Variants in ZFPM2 observed in about 807,000 individuals in gnomAD.
The protein encoded by ZFPM2 is zinc finger protein ZFPM2.
ZFPM2 carries 20 observed loss-of-function variants against 98.6 expected under a neutral mutation model. That is an observed-to-expected ratio of 0.20 (90% CI 0.14 to 0.29). ZFPM2 has a LOEUF of 0.29. Among genes scored for constraint, ZFPM2 ranks in the 10% least tolerant of loss-of-function variants. The pLI is 1.00. For synonymous variants in ZFPM2, 518 were observed against 502.7 expected (o/e 1.03, Z -0.41); for missense variants, 1,310 against 1,388.6 (o/e 0.94, Z 0.90).
chr8:105,594,203 CT>C (rs1329351527), intron 4 of ZFPM2, among the ~76,000 whole-genome samples: 2 of 152,104 alleles, frequency 1.3e-5, no homozygotes, highest in East Asian at 1.9e-4. Flanking sequence ...TTCCAGCTAA[CT>C]TGCCTAATTT....
At chr8:105,570,804 ACT>A (rs1815338275) in intron 4 of ZFPM2, among the ~76,000 whole-genome samples, 1 of 151,796 alleles carries the variant, frequency 6.6e-6, no homozygotes, top group African/African-American at 2.4e-5. Flanking sequence ...GACCTAACTT[ACT>A]CTCCTCTGCC....
chr8:105,405,162 C>T (rs1277889796), intron 1 of ZFPM2, among the ~76,000 whole-genome samples: 5 of 151,944 alleles, frequency 3.3e-5, no homozygotes, highest in Non-Finnish European at 7.4e-5. Context: ...TGCCAGAACC[C>T]CAGGTAGGAC....
chr8:105,419,369 T>C, intron 2 of ZFPM2, 67 bp downstream of exon 2: 1 of 1,369,672 alleles, frequency 7.3e-7, no homozygotes, highest in South Asian at 1.3e-5. Flanking sequence ...TTTAAAAAAA[T>C]GCATAATAGT....
At chr8:105,697,521 T>C (rs1462966578) in intron 5 of ZFPM2, among the ~76,000 whole-genome samples, 1 of 152,188 alleles carries the variant, frequency 6.6e-6, no homozygotes, top group African/African-American at 2.4e-5. Flanking sequence ...AGAAGTGTAG[T>C]AATTTAGCCA....
intron 3 of ZFPM2, among the ~76,000 whole-genome samples, chr8:105,501,333 C>T (rs13258330): frequency 0.043 from 6,456 of 151,830 alleles, 199 homozygotes; most frequent in South Asian, 0.068. Flanking sequence ...CAGGCACCTG[C>T]CACCACACTT....
chr8:105,694,501 C>G (rs1810971494), intron 5 of ZFPM2, among the ~76,000 whole-genome samples: 1 of 152,020 alleles, frequency 6.6e-6, no homozygotes, highest in South Asian at 2.1e-4. Context: ...ACTCAGGTCT[C>G]CAATCTGTAA....
intron 3 of ZFPM2, among the ~76,000 whole-genome samples, chr8:105,528,570 A>T (rs572526676): frequency 3.3e-5 from 5 of 152,284 alleles, no homozygotes; most frequent in African/African-American, 1.2e-4. Flanking sequence ...TCCTGACACC[A>T]GGTGACAGGA....
intron 5 of ZFPM2, among the ~76,000 whole-genome samples, chr8:105,673,332 T>C (rs184931747): frequency 2.2e-4 from 33 of 151,794 alleles, no homozygotes; most frequent in Non-Finnish European, 8.8e-5. Flanking sequence ...TAGTAAACAA[T>C]TAAATTAAAA....
intron 1 of ZFPM2, among the ~76,000 whole-genome samples, chr8:105,364,492 C>T (rs1027172149): frequency 1.3e-5 from 2 of 151,878 alleles, no homozygotes; most frequent in Non-Finnish European, 2.9e-5. Flanking sequence ...TAGTAAAGAT[C>T]TTATATTCAA....
intron 6 of ZFPM2, among the ~76,000 whole-genome samples, chr8:105,794,667 G>A (rs547232701): frequency 2.0e-4 from 30 of 152,340 alleles, no homozygotes; most frequent in African/African-American, 6.7e-4. Flanking sequence ...TTGTTTGTCT[G>A]TGCCCTGCCC....
intron 5 of ZFPM2, among the ~76,000 whole-genome samples, chr8:105,654,219 A>G (rs529147964): frequency 7.0e-4 from 106 of 151,126 alleles, no homozygotes; most frequent in Admixed American, 2.3e-3. Flanking sequence ...AAGAGAAGGA[A>G]AAAAAAAAAC....
intron 3 of ZFPM2, among the ~76,000 whole-genome samples, chr8:105,518,515 T>C (rs1393191252): frequency 6.6e-6 from 1 of 152,220 alleles, no homozygotes; most frequent in Non-Finnish European, 1.5e-5. Flanking sequence ...AAATTGAGAA[T>C]GTGTGTGTTG....
chr8:105,371,605 T>C (rs1003462949), intron 1 of ZFPM2, among the ~76,000 whole-genome samples: 2 of 152,210 alleles, frequency 1.3e-5, no homozygotes, highest in African/African-American at 4.8e-5. Context: ...CAAGTGGTTA[T>C]ACAAACTCAA....
intron 1 of ZFPM2, among the ~76,000 whole-genome samples, chr8:105,396,700 A>T (rs989416662): frequency 6.6e-6 from 1 of 152,188 alleles, no homozygotes; most frequent in African/African-American, 2.4e-5. Context: ...CATTTCAAGG[A>T]CAATGAGGAA....
intron 5 of ZFPM2, among the ~76,000 whole-genome samples, chr8:105,772,604 C>T (rs1472942909): frequency 2.0e-5 from 3 of 152,040 alleles, no homozygotes; most frequent in Non-Finnish European, 4.4e-5. Context: ...TGTTTTCCTC[C>T]TCAGCACACA....
intron 5 of ZFPM2, among the ~76,000 whole-genome samples, chr8:105,657,148 C>CT (rs577420783): frequency 2.4e-4 from 36 of 151,698 alleles, no homozygotes; most frequent in Non-Finnish European, 3.5e-4. Context: ...TATTCTTTTT[C>CT]TTTTTTTTGA....
chr8:105,444,717 C>G (rs1409315232), intron 3 of ZFPM2, among the ~76,000 whole-genome samples: 1 of 151,972 alleles, frequency 6.6e-6, no homozygotes, highest in African/African-American at 2.4e-5. Flanking sequence ...AAACAAGAAA[C>G]AGTACTTCAA....
At chr8:105,514,026 T>C (rs190923941) in intron 3 of ZFPM2, among the ~76,000 whole-genome samples, 7 of 147,904 alleles carry the variant, frequency 4.7e-5, no homozygotes, top group African/African-American at 1.8e-4. Context: ...TTCCCAAGAT[T>C]AAGTGTCACT....
At chr8:105,363,579 C>T (rs992187649) in intron 1 of ZFPM2, among the ~76,000 whole-genome samples, 4 of 152,206 alleles carry the variant, frequency 2.6e-5, no homozygotes, top group Non-Finnish European at 4.4e-5. Flanking sequence ...ATAAAGAATG[C>T]GTCTTAGATT....
Sources: allele counts gnomAD v4.1 joint callset (sites outside exome capture counted in the v4.1 genomes callset), GRCh38; gene constraint gnomAD v4.1.1; transcripts MANE v1.5; gene names NCBI Gene and HGNC (gene_info 2026-07-23, HGNC 2026-07-21).